Variants in ST6GALNAC3 observed in about 807,000 individuals in gnomAD.
ST6GALNAC3 encodes alpha-N-acetylgalactosaminide alpha-2,6-sialyltransferase 3.
ST6GALNAC3 carries 25 observed loss-of-function variants against 32.7 expected under a neutral mutation model. The observed-to-expected ratio is 0.76, with a 90% CI of 0.56 to 1.07. The LOEUF is 1.07. ST6GALNAC3 is among the 50% of genes least tolerant of loss of function. The pLI is 0.00. For missense variants in ST6GALNAC3, 355 were observed against 382.4 expected (o/e 0.93, Z 0.60); for synonymous variants, 129 against 133.1 (o/e 0.97, Z 0.21).
chr1:76,186,751 C>T (rs923471362), intron 1 of ST6GALNAC3, among the ~76,000 whole-genome samples: 1 of 152,180 alleles, frequency 6.6e-6, no homozygotes, highest in Non-Finnish European at 1.5e-5. Context: ...TCTGCAGCCT[C>T]GTGAGGGGCC....
At chr1:76,407,219 T>C (rs1346483589) in intron 2 of ST6GALNAC3, among the ~76,000 whole-genome samples, 2 of 152,062 alleles carry the variant, frequency 1.3e-5, no homozygotes, top group African/African-American at 4.8e-5. Context: ...CCACACAGCT[T>C]AGCGCTGTGT....
chr1:76,292,729 G>A (rs1660168222), intron 1 of ST6GALNAC3, among the ~76,000 whole-genome samples: 1 of 152,168 alleles, frequency 6.6e-6, no homozygotes, highest in Admixed American at 6.5e-5. Flanking sequence ...TCTCACCGTA[G>A]CATGTTTATT....
At chr1:76,194,131 C>G (rs1654061011) in intron 1 of ST6GALNAC3, among the ~76,000 whole-genome samples, 1 of 152,154 alleles carries the variant, frequency 6.6e-6, no homozygotes, top group East Asian at 1.9e-4. Context: ...AGGGAGCTTT[C>G]TCAAGGTCAC....
At chr1:76,347,329 A>T (rs1648604645) in intron 2 of ST6GALNAC3, among the ~76,000 whole-genome samples, 1 of 152,122 alleles carries the variant, frequency 6.6e-6, no homozygotes, top group Non-Finnish European at 1.5e-5. Flanking sequence ...TTATTCCAGC[A>T]GTCTTTTCCC....
At chr1:76,328,796 T>C (rs1040580866) in intron 2 of ST6GALNAC3, among the ~76,000 whole-genome samples, 1 of 152,220 alleles carries the variant, frequency 6.6e-6, no homozygotes, top group African/African-American at 2.4e-5. Flanking sequence ...GGTAAAGTTT[T>C]AGGTGCTGAG....
At chr1:76,378,668 C>CCAA (rs1491210702) in intron 2 of ST6GALNAC3, among the ~76,000 whole-genome samples, 2 of 147,964 alleles carry the variant, frequency 1.4e-5, no homozygotes, top group African/African-American at 5.0e-5. Context: ...TTCCCCCCCC[C>CCAA]AAAAAAAAAA....
chr1:76,306,405 C>T (rs909256893), intron 1 of ST6GALNAC3, among the ~76,000 whole-genome samples: 3 of 151,940 alleles, frequency 2.0e-5, no homozygotes, highest in African/African-American at 4.8e-5. Context: ...AACTAAACAA[C>T]AAAATGTTGG....
At chr1:76,400,850 G>A (rs967001675) in intron 2 of ST6GALNAC3, among the ~76,000 whole-genome samples, 11 of 151,314 alleles carry the variant, frequency 7.3e-5, no homozygotes, top group African/African-American at 1.2e-4. Context: ...AGCTGAGATC[G>A]CACCACTGCA....
intron 1 of ST6GALNAC3, among the ~76,000 whole-genome samples, chr1:76,104,610 CTTT>C (rs11430411): frequency 7.4e-6 from 1 of 134,488 alleles, no homozygotes; most frequent in Non-Finnish European, 1.6e-5. Context: ...TGGCCTGACG[CTTT>C]TTTTTTTTTT....
chr1:76,090,003 G>T (rs1238706899), intron 1 of ST6GALNAC3, among the ~76,000 whole-genome samples: 1 of 152,152 alleles, frequency 6.6e-6, no homozygotes, highest in Admixed American at 6.5e-5. Context: ...ATACACCTGG[G>T]TGTGCACTGA....
chr1:76,372,316 T>G (rs1283532042), intron 2 of ST6GALNAC3, among the ~76,000 whole-genome samples: 1 of 152,112 alleles, frequency 6.6e-6, no homozygotes, highest in Non-Finnish European at 1.5e-5. Context: ...AATAATAATG[T>G]ATGTATTTAT....
intron 1 of ST6GALNAC3, among the ~76,000 whole-genome samples, chr1:76,298,879 T>A (rs1161762862): frequency 6.6e-6 from 1 of 152,032 alleles, no homozygotes; most frequent in African/African-American, 2.4e-5. Flanking sequence ...TAGGAAATAT[T>A]GCATGTGTTT....
chr1:76,335,461 A>T (rs1459477439), intron 2 of ST6GALNAC3, among the ~76,000 whole-genome samples: 1 of 139,354 alleles, frequency 7.2e-6, no homozygotes, highest in Non-Finnish European at 1.6e-5. Flanking sequence ...ACACACACTC[A>T]CACTCAGTCA....
chr1:76,474,862 G>A (rs1423883962), intron 3 of ST6GALNAC3, among the ~76,000 whole-genome samples: 1 of 152,088 alleles, frequency 6.6e-6, no homozygotes. Flanking sequence ...GCACCTCTTG[G>A]AAGCTTCACT....
chr1:76,360,930 G>T (rs1649878047), intron 2 of ST6GALNAC3, among the ~76,000 whole-genome samples: 1 of 152,106 alleles, frequency 6.6e-6, no homozygotes, highest in African/African-American at 2.4e-5. Flanking sequence ...AGAAGATTTT[G>T]TGTCTAAGAA....
At chr1:76,503,984 A>C (rs1251116496) in intron 3 of ST6GALNAC3, among the ~76,000 whole-genome samples, 1 of 152,160 alleles carries the variant, frequency 6.6e-6, no homozygotes, top group Non-Finnish European at 1.5e-5. Context: ...TTATCTCTAT[A>C]TGGCAAGTAC....
At chr1:76,596,697 A>G (rs532128055) in intron 3 of ST6GALNAC3, among the ~76,000 whole-genome samples, 89 of 152,314 alleles carry the variant, frequency 5.8e-4, no homozygotes, top group Middle Eastern at 6.8e-3. Flanking sequence ...GTTAAGCCAT[A>G]ATAAAATTGA....
In ST6GALNAC3 at chr1:76,614,718, CAAAAAAAAAAAAAAAAAAAAA is replaced by C. The variant is rs55744575; in HGVS notation, c.624-12718_624-12698del. On this transcript the variant is annotated intron_variant, in intron 3 of 4. Coordinates refer to ENST00000328299, the MANE Select transcript of ST6GALNAC3 (RefSeq NM_152996.4). ...TGGGTGACAGAGCGAGACTCCATCT[CAAAAAAAAAAAAAAAAAAAAA>C]AAAAAAAAAAAAAAATTAATAAATA... 1.0e-4 allele frequency among the ~76,000 whole-genome samples: 7 copies of C among 67,524 alleles called. 1 individual carries two copies. The highest frequency in any genetic ancestry group is 4.8e-4 in the African/African-American group (7 of 14,696). 44.3% of individuals were successfully genotyped at this position (67,524 alleles called of 152,430 possible).
Position 76,412,353 on chromosome 1 carries a change from G to A in ST6GALNAC3, c.559G>A (p.Val187Met), listed in dbSNP as rs780967035. The A allele has an allele frequency of 8.1e-5, 131 of 1,613,176 alleles. No individual in the cohort carries two copies. The highest frequency in any genetic ancestry group is 1.6e-4 in the Middle Eastern group (1 of 6,074). ...TATCTATCCGAATGCCCAAATATAC[G>A]TGACCACAGAGAAGCGCATGAGTTA... ...VGIYPNAQIY[V>M]TTEKRMSYCD... Residue 187 changes from valine to methionine, a missense_variant, in exon 3 of 5, where the codon GTG (valine) becomes ATG (methionine). Val to Met is a conservative substitution (Grantham distance 21, BLOSUM62 1). Coordinates refer to ENST00000328299, the MANE Select transcript of ST6GALNAC3 (RefSeq NM_152996.4).
Sources: gnomAD v4.1 joint callset for allele counts (sites outside exome capture counted in the v4.1 genomes callset) on GRCh38, gnomAD v4.1.1 for gene constraint, MANE v1.5 for transcripts, NCBI Gene and HGNC (gene_info 2026-07-23, HGNC 2026-07-21) for gene names.